Variants in HDAC9 observed in about 807,000 individuals in gnomAD.
HDAC9 encodes histone deacetylase 9.
In HDAC9, 41 loss-of-function variants were observed where a neutral mutation model predicts 139.4. The observed-to-expected ratio is 0.29, with a 90% CI of 0.23 to 0.38. The LOEUF (loss-of-function observed/expected upper bound fraction) is 0.38. Among genes scored for constraint, HDAC9 ranks in the 10% least tolerant of loss-of-function variants. The pLI, the probability that HDAC9 is intolerant of heterozygous loss-of-function variation, is 1.00. For synonymous variants in HDAC9, 517 were observed against 476.2 expected, an observed-to-expected ratio of 1.09 and a Z score of -1.12; for missense variants, 1,147 against 1,297.0, an observed-to-expected ratio of 0.88 and a Z score of 1.78.
At chr7:18,289,726 A>G (rs1797689827), upstream of HDAC9, among the ~76,000 whole-genome samples, 1 of 152,144 alleles carries the variant, frequency 6.6e-6, no homozygotes, top group Admixed American at 6.6e-5. Context: ...ATATGTTGAA[A>G]TCTTTTGGAG....
At chr7:18,995,769 G>T (rs758622554) in intron 25 of HDAC9, among the ~76,000 whole-genome samples, 2 of 152,032 alleles carry the variant, frequency 1.3e-5, no homozygotes, top group Non-Finnish European at 2.9e-5. Context: ...GTACATTTTG[G>T]AATCTAGAGT....
chr7:18,451,369 G>A (rs112708797), intron 1 of HDAC9, among the ~76,000 whole-genome samples: 4 of 7,076 alleles, frequency 5.7e-4, no homozygotes, highest in African/African-American at 1.7e-3. Flanking sequence ...GTATATGTGC[G>A]TGTGTGTGTG....
chr7:18,592,455 A>G (rs1831266096), intron 5 of HDAC9, among the ~76,000 whole-genome samples: 1 of 152,178 alleles, frequency 6.6e-6, no homozygotes, highest in Non-Finnish European at 1.5e-5. Flanking sequence ...TAATAAACTA[A>G]TAGATAATAG....
At chr7:18,455,449 A>G (rs1208710320) in intron 1 of HDAC9, among the ~76,000 whole-genome samples, 1 of 152,216 alleles carries the variant, frequency 6.6e-6, no homozygotes, top group Non-Finnish European at 1.5e-5. Flanking sequence ...TTTAAATGAA[A>G]TGGAAAAAGA....
rs1032379717 is a variant in HDAC9, at chr7:18,333,501, A to T, written c.-42+42986A>T. 5.5e-4 allele frequency among the ~76,000 whole-genome samples: 84 copies of T among 151,522 alleles called. 1 individual carries two copies. Among genetic ancestry groups the T allele is most frequent in the Admixed American group, 5.1e-3 (77 of 15,150 alleles). ...TTACTATCTCTCTATATCCCATGTC[A>T]TCAGGATATAAACCTCAAATACACA... On this transcript the variant is annotated intron_variant, in intron 1 of 3. Transcript: ENST00000413509.
intron 12 of HDAC9, among the ~76,000 whole-genome samples, chr7:18,681,438 GTTA>G (rs147643306): frequency 0.015 from 2,314 of 151,862 alleles, 18 homozygotes; most frequent in Middle Eastern, 0.031. Context: ...AACAATATTT[GTTA>G]TTATTATATT....
rs1464190287 is a variant in HDAC9, at chr7:18,998,409, C to A, written c.*2347C>A. ...ACTTGACACATTAATGAGTTAATCA[C>A]ACATACTCCCATATGACACCATACC... On this transcript the variant is annotated 3_prime_UTR_variant, in exon 26 of 26. Transcript: ENST00000686413. 6.6e-6 allele frequency: 1 copy of A among 152,178 alleles called. No individual in the cohort carries two copies. The highest frequency in any genetic ancestry group is 2.4e-5 in the African/African-American group (1 of 41,436). 9.4% of individuals were successfully genotyped at this position (152,178 alleles called of 1,614,324 possible).
chr7:18,481,558 T>TATTTTTG (rs1349503241), intron 1 of HDAC9, among the ~76,000 whole-genome samples: 5 of 152,202 alleles, frequency 3.3e-5, no homozygotes, highest in Non-Finnish European at 2.9e-5. Context: ...AGTACCAGGG[T>TATTTTTG]ATTTTTGTCT....
At chr7:18,985,240 C>G (rs1012255230) in intron 25 of HDAC9, among the ~76,000 whole-genome samples, 6 of 151,674 alleles carry the variant, frequency 4.0e-5, no homozygotes, top group Admixed American at 3.9e-4. Context: ...CCACAACAGA[C>G]CCCAGAGTGC....
chr7:18,224,045 A>T (rs302152), intron 2 of HDAC9, among the ~76,000 whole-genome samples: 92,243 of 152,050 alleles, frequency 0.61, 29,756 homozygotes, highest in African/African-American at 0.85. Flanking sequence ...AGTAAAGCTG[A>T]ATAGTTAACT....
chr7:18,922,594 A>C (rs1803854378), intron 22 of HDAC9, among the ~76,000 whole-genome samples: 2 of 152,218 alleles, frequency 1.3e-5, no homozygotes, highest in South Asian at 4.1e-4. Context: ...ACAAACACCC[A>C]GGAGATTCTG....
At chr7:18,101,070 C>G (rs1269407901) in intron 1 of HDAC9, among the ~76,000 whole-genome samples, 1 of 152,146 alleles carries the variant, frequency 6.6e-6, no homozygotes, top group Non-Finnish European at 1.5e-5. Context: ...GGTTCTTTTC[C>G]TAACTTTGGG....
chr7:18,182,918 A>G (rs1206632585), intron 2 of HDAC9, among the ~76,000 whole-genome samples: 1 of 152,120 alleles, frequency 6.6e-6, no homozygotes, highest in Non-Finnish European at 1.5e-5. Context: ...AACGGAAGAA[A>G]GAGAGAAGAG....
chr7:18,495,103 C>T (rs1170375567), upstream of HDAC9, among the ~76,000 whole-genome samples: 1 of 151,976 alleles, frequency 6.6e-6, no homozygotes, highest in Non-Finnish European at 1.5e-5. Flanking sequence ...AAATTTTATT[C>T]TGGGGTGTGC....
chr7:18,410,253 C>T (rs10232247), intron 1 of HDAC9, among the ~76,000 whole-genome samples: 39,455 of 151,976 alleles, frequency 0.26, 5,706 homozygotes, highest in African/African-American at 0.38. Context: ...GGAGGTGGGA[C>T]TGCATGGGGC....
At chr7:18,418,532 C>A (rs1789312090) in intron 1 of HDAC9, among the ~76,000 whole-genome samples, 1 of 150,830 alleles carries the variant, frequency 6.6e-6, no homozygotes, top group South Asian at 2.1e-4. Context: ...GAAGTGTTTT[C>A]CAAAGTCACA....
chr7:18,392,037 C>A (rs1408532299), intron 1 of HDAC9, among the ~76,000 whole-genome samples: 3 of 152,094 alleles, frequency 2.0e-5, no homozygotes, highest in Non-Finnish European at 4.4e-5. Flanking sequence ...ATTTAACTAG[C>A]AATTTCTTTA....
chr7:18,511,124 T>A (rs557332234), intron 2 of HDAC9, among the ~76,000 whole-genome samples: 4 of 152,220 alleles, frequency 2.6e-5, no homozygotes, highest in African/African-American at 9.6e-5. Flanking sequence ...GGCTTTCTTA[T>A]CATTGTTCAT....
At chr7:18,574,060 C>T (rs977424030) in intron 2 of HDAC9, among the ~76,000 whole-genome samples, 1 of 152,246 alleles carries the variant, frequency 6.6e-6, no homozygotes, top group Non-Finnish European at 1.5e-5. Context: ...CTGAGCAAAG[C>T]GAAGAGGAGC....
Sources: allele counts gnomAD v4.1 joint callset (sites outside exome capture counted in the v4.1 genomes callset), GRCh38; gene constraint gnomAD v4.1.1; transcripts MANE v1.5; gene names NCBI Gene and HGNC (gene_info 2026-07-23, HGNC 2026-07-21).